Variants in PPP1R21 observed in about 807,000 individuals in gnomAD.
The protein encoded by PPP1R21 is KLRAQ motif containing 1.
A neutral mutation model predicts 112.8 loss-of-function variants in PPP1R21; 85 were observed. That is an observed-to-expected ratio of 0.75 (90% confidence interval 0.63 to 0.90). PPP1R21 has a LOEUF of 0.90. Among genes scored for constraint, PPP1R21 ranks in the 40% least tolerant of loss-of-function variants. PPP1R21 has a pLI of 0.00. For missense variants in PPP1R21, 1,199 were observed against 901.5 expected, an observed-to-expected ratio of 1.33 and a Z score of -4.23; for synonymous variants, 381 against 322.3, an observed-to-expected ratio of 1.18 and a Z score of -1.95.
intron 12 of PPP1R21, among the ~76,000 whole-genome samples, chr2:48,475,502 G>A (rs761450316): frequency 6.6e-6 from 1 of 152,112 alleles, no homozygotes; most frequent in Non-Finnish European, 1.5e-5. Flanking sequence ...TAGCGTAGGG[G>A]AGCTTTAGTA....
chr2:48,473,183 T>A (rs994061073), intron 11 of PPP1R21, among the ~76,000 whole-genome samples: 12 of 151,960 alleles, frequency 7.9e-5, no homozygotes, highest in Non-Finnish European at 1.5e-4. Context: ...ATTCTGTGAT[T>A]TGTGCATATG....
chr2:48,505,727 A>G (rs537529359), intron 18 of PPP1R21, 131 bp downstream of exon 18: 1 of 786,534 alleles, frequency 1.3e-6, no homozygotes, highest in African/African-American at 1.7e-5. Context: ...GCAAATGTGG[A>G]GCCAGTGTTT....
At chr2:48,441,437 A>G (rs756103517) in intron 1 of PPP1R21, 3 of 249,896 alleles carry the variant, frequency 1.2e-5, no homozygotes, top group Admixed American at 6.3e-5. Context: ...ATGAGGTTAA[A>G]GAGATTTATC....
At chr2:48,507,484 C>A in intron 19 of PPP1R21, 99 bp downstream of exon 19, 1 of 1,510,002 alleles carries the variant, frequency 6.6e-7, no homozygotes, top group South Asian at 1.3e-5. Flanking sequence ...AGAGAGAAGT[C>A]AGTGTCCCAA....
At chr2:48,452,314 C>G (rs553219348) in intron 2 of PPP1R21, among the ~76,000 whole-genome samples, 1 of 152,260 alleles carries the variant, frequency 6.6e-6, no homozygotes, top group South Asian at 2.1e-4. Context: ...GCACTCACTG[C>G]ATACCAGGCA....
chr2:48,472,069 G>A (rs995432217), intron 11 of PPP1R21, among the ~76,000 whole-genome samples: 1 of 151,284 alleles, frequency 6.6e-6, no homozygotes, highest in Non-Finnish European at 1.5e-5. Context: ...GTGAAACCCC[G>A]CCTCTTCTAA....
At chr2:48,464,470 C>T (rs1338678767) in intron 7 of PPP1R21, among the ~76,000 whole-genome samples, 2 of 152,116 alleles carry the variant, frequency 1.3e-5, no homozygotes, top group Admixed American at 6.6e-5. Flanking sequence ...ATAGTGATAC[C>T]ATCCAGGAAA....
rs757103748 is a variant in PPP1R21, at chr2:48,451,610, T to C, written c.126+534T>C. 3.9e-5 allele frequency among the ~76,000 whole-genome samples: 6 copies of C among 152,208 alleles called. No individual in the cohort carries two copies. The East Asian group carries it at 5.8e-4, about 15-fold the overall frequency. On this transcript the variant is annotated intron_variant, in intron 2 of 21. Transcript: ENST00000294952. ...TTTTTGTTAACTGAGGGGAGAAATA[T>C]GATAGATGAAGGAATTTGTTTCTGC...
intron 1 of PPP1R21, among the ~76,000 whole-genome samples, chr2:48,445,228 A>C (rs77961213): frequency 6.0e-5 from 9 of 151,080 alleles, no homozygotes; most frequent in Non-Finnish European, 1.3e-4. Context: ...GTGCTATCCA[A>C]TGGAAGTTTC....
rs186718285 is a variant in PPP1R21, at chr2:48,511,307, A to T, written c.2185-33A>T. On this transcript the variant is annotated intron_variant, in intron 20 of 21. Transcript: ENST00000294952. Reference sequence around the variant, plus strand: ...GCTTCAGAGTGGTACGACTCGTGGGATGTTGATTTTTGTCTTTTTCTTTGC... The same window carrying T: ...GCTTCAGAGTGGTACGACTCGTGGGTTGTTGATTTTTGTCTTTTTCTTTGC... 13 of 1,599,006 alleles carry T rather than the reference A, an allele frequency of 8.1e-6. No homozygotes were observed. The Admixed American group carries it at 2.3e-4, about 29-fold the overall frequency.
chr2:48,502,833 A>G (rs1444796212), intron 17 of PPP1R21, among the ~76,000 whole-genome samples: 1 of 151,568 alleles, frequency 6.6e-6, no homozygotes, highest in Non-Finnish European at 1.5e-5. Context: ...GGCGCCTGCC[A>G]CCATGCCCGG....
In PPP1R21 at chr2:48,488,921, T is replaced by C. The variant is rs150927152; in HGVS notation, c.1447-2097T>C. 2.0e-4 allele frequency among the ~76,000 whole-genome samples: 31 copies of C among 152,296 alleles called. No homozygotes were observed. In the East Asian group the frequency reaches 5.6e-3, roughly 27 times the overall value. Reference sequence around the variant, plus strand: ...AGAAAAAAGAAAAGAAACCTCACAATGTACTACCATGATCCAAATGCAAAC... The same window carrying C: ...AGAAAAAAGAAAAGAAACCTCACAACGTACTACCATGATCCAAATGCAAAC... On this transcript the variant is annotated intron_variant, in intron 14 of 21. Transcript: ENST00000294952.
At chr2:48,447,615 C>A (rs939728308) in intron 1 of PPP1R21, among the ~76,000 whole-genome samples, 1 of 152,114 alleles carries the variant, frequency 6.6e-6, no homozygotes, top group Non-Finnish European at 1.5e-5. Flanking sequence ...ATTTGCCTCC[C>A]CTCTGTGGTG....
chr2:48,510,130 C>T lies in PPP1R21; in HGVS notation c.2184+17C>T, dbSNP rs749248196. The T allele has an allele frequency of 2.5e-6, 4 of 1,586,442 alleles. No homozygotes were observed. The highest frequency in any genetic ancestry group is 3.4e-6 in the Non-Finnish European group (4 of 1,159,660). On this transcript the variant is annotated intron_variant, in intron 20 of 21. Transcript: ENST00000294952. ...AGACTTCAGGTGAGTTAAGTGTTAC[C>T]TGAATGGTTTTAATGTTTTTTCATT...
chr2:48,505,643 G>C (rs1332884767), intron 18 of PPP1R21, 47 bp downstream of exon 18: 3 of 1,464,040 alleles, frequency 2.0e-6, no homozygotes, highest in Non-Finnish European at 2.8e-6. Flanking sequence ...ATATCTGGCA[G>C]CATGTTTGTT....
Position 48,488,135 on chromosome 2 carries a change from C to T in PPP1R21, c.1446+1377C>T, listed in dbSNP as rs147733602. ...TCCAAAGTTGGACTGGCTTTGTGAC[C>T]ACTTGCTATAGCTTGGGGTCATGAT... On this transcript the variant is annotated intron_variant, in intron 14 of 21. Transcript: ENST00000294952. 2.2e-4 allele frequency among the ~76,000 whole-genome samples: 33 copies of T among 152,178 alleles called. No homozygotes were observed. In the East Asian group the frequency reaches 6.0e-3, roughly 28 times the overall value.
intron 16 of PPP1R21, among the ~76,000 whole-genome samples, chr2:48,497,474 T>A (rs1669898553): frequency 6.6e-6 from 1 of 152,120 alleles, no homozygotes; most frequent in Admixed American, 6.5e-5. Context: ...TATAGATTAG[T>A]TTTTTTCCCT....
chr2:48,499,882 AAAAG>A lies in PPP1R21; in HGVS notation c.1935+1151_1935+1154del, dbSNP rs1410557283. 1.1e-4 allele frequency among the ~76,000 whole-genome samples: 16 copies of A among 152,278 alleles called. 1 individual carries two copies. The highest frequency in any genetic ancestry group is 7.2e-4 in the Admixed American group (11 of 15,288). The stretch of plus-strand genomic sequence containing the variant: ...CTGTAAAAAATTAGGAAAATCTAGA[AAAAG>A]AAATCAGGAAGGAAAAACCCTAATA... On this transcript the variant is annotated intron_variant, in intron 17 of 21. Coordinates refer to ENST00000294952, the MANE Select transcript of PPP1R21 (RefSeq NM_001135629.3).
chr2:48,500,962 A>G (rs1202479088), intron 17 of PPP1R21, among the ~76,000 whole-genome samples: 2 of 152,044 alleles, frequency 1.3e-5, no homozygotes, highest in South Asian at 2.1e-4. Flanking sequence ...TTTGTTGACC[A>G]TGAATGTTCA....
Sources: gnomAD v4.1 joint callset for allele counts (sites outside exome capture counted in the v4.1 genomes callset) on GRCh38, gnomAD v4.1.1 for gene constraint, MANE v1.5 for transcripts, NCBI Gene and HGNC (gene_info 2026-07-23, HGNC 2026-07-21) for gene names.